Variants in GNA14 observed in about 807,000 individuals in gnomAD.
The protein encoded by GNA14 is guanine nucleotide-binding protein subunit alpha-14.
A neutral mutation model predicts 42.0 loss-of-function variants in GNA14; 50 were observed. The observed-to-expected ratio is 1.19, with a 90% CI of 0.95 to 1.51. The LOEUF (loss-of-function observed/expected upper bound fraction) is 1.51. Ranked by LOEUF, GNA14 falls within the 40% of genes most tolerant of loss-of-function variation. The pLI, the probability that GNA14 is intolerant of heterozygous loss-of-function variation, is 0.00. For synonymous variants in GNA14, 173 were observed against 163.1 expected (o/e 1.06, Z -0.46); for missense variants, 473 against 446.2 (o/e 1.06, Z -0.54).
At chr9:77,458,785 G>A (rs1405911585) in intron 2 of GNA14, among the ~76,000 whole-genome samples, 1 of 151,972 alleles carries the variant, frequency 6.6e-6, no homozygotes, top group Non-Finnish European at 1.5e-5. Flanking sequence ...GCTACATCCC[G>A]AGGGGACACA....
At chr9:77,515,476 T>C (rs1837237669) in intron 2 of GNA14, among the ~76,000 whole-genome samples, 1 of 152,134 alleles carries the variant, frequency 6.6e-6, no homozygotes, top group African/African-American at 2.4e-5. Flanking sequence ...CTTGCAAAAA[T>C]AGTAAAAGAG....
At chr9:77,529,632 G>A (rs753359658) in intron 1 of GNA14, among the ~76,000 whole-genome samples, 1 of 152,308 alleles carries the variant, frequency 6.6e-6, no homozygotes, top group South Asian at 2.1e-4. Flanking sequence ...AGAGAAAAAG[G>A]CTCATGAATC....
chr9:77,585,323 AAC>A (rs1463201335), intron 1 of GNA14, among the ~76,000 whole-genome samples: 14 of 152,184 alleles, frequency 9.2e-5, no homozygotes, highest in African/African-American at 2.9e-4. Context: ...AGAAGTTCCA[AAC>A]ACAGAGTTGA....
At chr9:77,640,018 T>G (rs958359061) in intron 1 of GNA14, among the ~76,000 whole-genome samples, 16 of 152,242 alleles carry the variant, frequency 1.1e-4, no homozygotes, top group African/African-American at 3.9e-4. Context: ...CCCGGCCATC[T>G]GCACTCAGGT....
At chr9:77,468,781 C>A (rs962598862) in intron 2 of GNA14, among the ~76,000 whole-genome samples, 5 of 152,228 alleles carry the variant, frequency 3.3e-5, no homozygotes, top group Non-Finnish European at 5.9e-5. Flanking sequence ...TATCCCAGGT[C>A]CTGCACGGTA....
At chr9:77,467,627 T>G (rs1277674722) in intron 2 of GNA14, among the ~76,000 whole-genome samples, 11 of 146,344 alleles carry the variant, frequency 7.5e-5, no homozygotes, top group Non-Finnish European at 1.2e-4. Flanking sequence ...AAGTTACTCC[T>G]CTGGCAGAAC....
At chr9:77,447,605 CCATTATGAGGT>C (rs1356481822) in intron 2 of GNA14, among the ~76,000 whole-genome samples, 2 of 151,950 alleles carry the variant, frequency 1.3e-5, no homozygotes, top group African/African-American at 4.8e-5. Context: ...CCTTCACAGT[CCATTATGAGGT>C]CATAGTAGGG....
chr9:77,523,626 T>C (rs1442489025), intron 2 of GNA14, among the ~76,000 whole-genome samples: 1 of 152,194 alleles, frequency 6.6e-6, no homozygotes, highest in African/African-American at 2.4e-5. Flanking sequence ...TTTTGGTTCT[T>C]GTCATGATTG....
chr9:77,502,310 G>T (rs1836989371), intron 2 of GNA14, among the ~76,000 whole-genome samples: 1 of 152,104 alleles, frequency 6.6e-6, no homozygotes. Context: ...CATTCAGTTT[G>T]AGATCTTCCT....
chr9:77,530,297 C>G (rs985224641), intron 1 of GNA14, among the ~76,000 whole-genome samples: 1 of 152,092 alleles, frequency 6.6e-6, no homozygotes, highest in Admixed American at 6.5e-5. Context: ...GTGTATGGCA[C>G]CCCTCCCTCC....
At chr9:77,444,787 C>A (rs1022087959) in intron 2 of GNA14, among the ~76,000 whole-genome samples, 32 of 152,304 alleles carry the variant, frequency 2.1e-4, no homozygotes, top group African/African-American at 5.8e-4. Context: ...TATGTACAGA[C>A]AAAATCCCTG....
chr9:77,432,685 C>T (rs1401967973), intron 3 of GNA14, among the ~76,000 whole-genome samples: 1 of 152,184 alleles, frequency 6.6e-6, no homozygotes, highest in Non-Finnish European at 1.5e-5. Context: ...TCTGTGACAG[C>T]TCTCACCACC....
chr9:77,604,192 A>T lies in GNA14; in HGVS notation c.124+43478T>A, dbSNP rs189265808. Among the ~76,000 whole-genome samples the T allele has an allele frequency of 1.3e-3, 204 of 152,228 alleles. 1 individual carries two copies. Among genetic ancestry groups the T allele is most frequent in the Non-Finnish European group, 2.1e-3 (146 of 68,016 alleles). Reference sequence around the variant, plus strand: ...TTCATCCTTCTCTGCTGCTAAAAACACTTCAGTCAACAAATTTGCAATGCT... The same window carrying T: ...TTCATCCTTCTCTGCTGCTAAAAACTCTTCAGTCAACAAATTTGCAATGCT... On this transcript the variant is annotated intron_variant, in intron 1 of 6. Coordinates refer to ENST00000341700, the MANE Select transcript of GNA14 (RefSeq NM_004297.4).
intron 1 of GNA14, among the ~76,000 whole-genome samples, chr9:77,558,344 A>C (rs1418604572): frequency 6.6e-6 from 1 of 152,176 alleles, no homozygotes; most frequent in Admixed American, 6.5e-5. Context: ...AAATGTTGAC[A>C]GTTACTAAGT....
chr9:77,493,763 G>C (rs1463171195), intron 2 of GNA14, among the ~76,000 whole-genome samples: 1 of 152,086 alleles, frequency 6.6e-6, no homozygotes, highest in African/African-American at 2.4e-5. Context: ...TTTGTAAACG[G>C]ATGGGATGGA....
chr9:77,610,548 C>T (rs1051097667), intron 1 of GNA14, among the ~76,000 whole-genome samples: 2 of 152,106 alleles, frequency 1.3e-5, no homozygotes, highest in Non-Finnish European at 2.9e-5. Flanking sequence ...CTCCTAAAGG[C>T]CCCACTTCCA....
chr9:77,470,508 T>A (rs560230089), intron 2 of GNA14, among the ~76,000 whole-genome samples: 1 of 152,184 alleles, frequency 6.6e-6, no homozygotes, highest in Non-Finnish European at 1.5e-5. Context: ...TTATAGCAGA[T>A]TGGGGTATTA....
At chr9:77,435,554 C>T (rs6560594) in intron 2 of GNA14, among the ~76,000 whole-genome samples, 115,074 of 151,866 alleles carry the variant, frequency 0.76, 44,776 homozygotes, top group African/African-American at 0.94. Flanking sequence ...TATTATATTA[C>T]CATATTTATT....
intron 1 of GNA14, among the ~76,000 whole-genome samples, chr9:77,539,239 C>T (rs1837631638): frequency 6.6e-6 from 1 of 152,192 alleles, no homozygotes; most frequent in South Asian, 2.1e-4. Flanking sequence ...TTGTCAAATG[C>T]TCTTTCTCCA....
Sources: allele counts gnomAD v4.1 joint callset (sites outside exome capture counted in the v4.1 genomes callset), GRCh38; gene constraint gnomAD v4.1.1; transcripts MANE v1.5; gene names NCBI Gene and HGNC (gene_info 2026-07-23, HGNC 2026-07-21).